The following NOVA2 variants were observed in gnomAD, a reference collection of about 807,000 sequenced individuals.
NOVA2 encodes the protein NOVA alternative splicing regulator 2.
NOVA2 carries 9 observed loss-of-function variants against 22.5 expected under a neutral mutation model. The ratio of observed to expected loss-of-function variants is 0.40; its 90% CI spans 0.24 to 0.70. The LOEUF is 0.70. Ranked by LOEUF, NOVA2 falls within the 30% of genes least tolerant of loss-of-function variation. The pLI is 0.38. For synonymous variants in NOVA2, 318 were observed against 335.2 expected (o/e 0.95, Z 0.56); for missense variants, 383 against 682.8 (o/e 0.56, Z 4.89).
In NOVA2 at chr19:45,934,251, C is replaced by A. The variant is rs1210288197; in HGVS notation, c.*5612G>T. 6.6e-6 allele frequency: 1 copy of A among 152,296 alleles called. No individual in the cohort carries two copies. The highest frequency in any genetic ancestry group is 1.5e-5 in the Non-Finnish European group (1 of 68,134). The allele number at this position is 152,296 out of a possible 1,614,324, so 9.4% of individuals were successfully genotyped here. Reference sequence around the variant, plus strand: ...CCTAAGAAGGATTTAGCAATCGGTTCTCCAAAGATGGCCCTGCAGCCTCCC... The same window carrying A: ...CCTAAGAAGGATTTAGCAATCGGTTATCCAAAGATGGCCCTGCAGCCTCCC... On this transcript the variant is annotated 3_prime_UTR_variant, in exon 4 of 4. Transcript: ENST00000263257.
intron 1 of NOVA2, among the ~76,000 whole-genome samples, chr19:45,962,091 G>A (rs1364661238): frequency 1.3e-5 from 2 of 152,178 alleles, no homozygotes; most frequent in Non-Finnish European, 2.9e-5. Context: ...TAGGTTTTAG[G>A]AGGATTCCTC....
In NOVA2 at chr19:45,937,228, C is replaced by T. The variant is rs751546174; in HGVS notation, c.*2635G>A. The T allele has an allele frequency of 4.6e-5, 7 of 152,132 alleles. No individual in the cohort carries two copies. Among genetic ancestry groups the T allele is most frequent in the South Asian group, 2.1e-4 (1 of 4,830 alleles). The allele number at this position is 152,132 out of a possible 1,614,324, so 9.4% of individuals were successfully genotyped here. On this transcript the variant is annotated 3_prime_UTR_variant, in exon 4 of 4. Coordinates refer to ENST00000263257, the MANE Select transcript of NOVA2 (RefSeq NM_002516.4). The stretch of plus-strand genomic sequence containing the variant: ...AACACTTTTCAGGAGGCCCAGCCTC[C>T]GGAGATGTGTCTGTGTGAGAGGAGT...
intron 3 of NOVA2, among the ~76,000 whole-genome samples, chr19:45,952,277 G>A (rs993310088): frequency 6.6e-6 from 1 of 152,146 alleles, no homozygotes; most frequent in Non-Finnish European, 1.5e-5. Context: ...CCCTTAAGGA[G>A]GCATCATAAT....
At chr19:45,953,592 G>A (rs1484794381) in intron 3 of NOVA2, among the ~76,000 whole-genome samples, 188 bp downstream of exon 3, 2 of 152,168 alleles carry the variant, frequency 1.3e-5, no homozygotes, top group Non-Finnish European at 2.9e-5. Context: ...TAAATGTTCT[G>A]GAGTCCTTTC....
chr19:45,960,887 G>A, intron 2 of NOVA2, 123 bp downstream of exon 2: 6 of 1,009,362 alleles, frequency 5.9e-6, no homozygotes, highest in Non-Finnish European at 8.5e-6. Context: ...GGAAGGGGAG[G>A]CCCCCTCCCC....
chr19:45,964,303 C>A (rs1317906266), intron 1 of NOVA2, among the ~76,000 whole-genome samples: 2 of 149,138 alleles, frequency 1.3e-5, no homozygotes, highest in Admixed American at 6.7e-5. Context: ...CCTCAGCCTG[C>A]GGAGTAGCTG....
intron 1 of NOVA2, chr19:45,967,566 G>C (rs1968182797): frequency 6.6e-6 from 1 of 152,126 alleles, no homozygotes; most frequent in Admixed American, 6.6e-5. Context: ...CTAATTTCCT[G>C]CTGCAATTTC....
In NOVA2 at chr19:45,939,791, T is replaced by C. The variant is rs1343798281; in HGVS notation, c.*72A>G. ...GACTACACCAAGCTGAGGTCAGGAG[T>C]TGGGGGGGAGGAGGAGAGGGAAGAG... On this transcript the variant is annotated 3_prime_UTR_variant, in exon 4 of 4. Coordinates refer to ENST00000263257, the MANE Select transcript of NOVA2 (RefSeq NM_002516.4). 2.9e-5 allele frequency: 44 copies of C among 1,541,666 alleles called. No individual in the cohort carries two copies. Among genetic ancestry groups the C allele is most frequent in the Non-Finnish European group, 1.1e-5 (12 of 1,129,032 alleles).
intron 1 of NOVA2, among the ~76,000 whole-genome samples, chr19:45,964,025 G>C (rs540880122): frequency 5.7e-4 from 87 of 152,132 alleles, no homozygotes; most frequent in Middle Eastern, 3.4e-3. Flanking sequence ...CCCAAAACTT[G>C]AACAGCACAT....
intron 3 of NOVA2, among the ~76,000 whole-genome samples, chr19:45,943,690 C>T (rs1478016990): frequency 6.6e-6 from 1 of 151,516 alleles, no homozygotes; most frequent in East Asian, 1.9e-4. Context: ...TGCACTTCAA[C>T]CTGGGCAACA....
intron 2 of NOVA2, among the ~76,000 whole-genome samples, chr19:45,955,598 G>A (rs1001159197): frequency 1.3e-5 from 2 of 152,056 alleles, no homozygotes; most frequent in African/African-American, 2.4e-5. Context: ...GGTGGCTCAC[G>A]CTTGAAACCC....
chr19:45,948,903 C>T (rs924469393), intron 3 of NOVA2, among the ~76,000 whole-genome samples: 9 of 152,104 alleles, frequency 5.9e-5, no homozygotes, highest in African/African-American at 2.2e-4. Context: ...AACTGATGAA[C>T]AGACAAGCAA....
intron 2 of NOVA2, among the ~76,000 whole-genome samples, chr19:45,956,603 G>A (rs1396429617): frequency 6.6e-6 from 1 of 152,146 alleles, no homozygotes; most frequent in Non-Finnish European, 1.5e-5. Flanking sequence ...CTGAGTAGCT[G>A]GGATTACAGG....
At chr19:45,956,534 G>T (rs1321666935) in intron 2 of NOVA2, among the ~76,000 whole-genome samples, 1 of 151,678 alleles carries the variant, frequency 6.6e-6, no homozygotes, top group African/African-American at 2.4e-5. Flanking sequence ...GCAGCGGTGC[G>T]ATCTCAGATC....
intron 2 of NOVA2, among the ~76,000 whole-genome samples, chr19:45,956,594 T>C (rs1360713498): frequency 6.6e-6 from 1 of 152,074 alleles, no homozygotes; most frequent in Admixed American, 6.5e-5. Flanking sequence ...CTAAGCCTCC[T>C]GAGTAGCTGG....
intron 1 of NOVA2, among the ~76,000 whole-genome samples, 175 bp downstream of exon 1, chr19:45,973,092 G>T (rs1968254787): frequency 7.4e-6 from 1 of 135,566 alleles, no homozygotes; most frequent in Non-Finnish European, 1.6e-5. Flanking sequence ...GGGCCTCAGC[G>T]AGAGGAGGAG....
At chr19:45,972,602 A>G (rs1349698625) in intron 1 of NOVA2, among the ~76,000 whole-genome samples, 2 of 151,854 alleles carry the variant, frequency 1.3e-5, no homozygotes, top group African/African-American at 4.8e-5. Context: ...TGTCTTTCTC[A>G]TACACCCCCC....
In NOVA2 at chr19:45,946,698, C is replaced by T. The variant is rs144030156; in HGVS notation, c.397-5753G>A. Reference sequence around the variant, plus strand: ...ACCATCCTGGCTAACATGGTGAAACCCCATTTCTATGAAAAATACAAAAAT... The same window carrying T: ...ACCATCCTGGCTAACATGGTGAAACTCCATTTCTATGAAAAATACAAAAAT... On this transcript the variant is annotated intron_variant, in intron 3 of 3. Transcript: ENST00000263257. Among the ~76,000 whole-genome samples, 303 of 151,970 alleles carry T rather than the reference C, an allele frequency of 2.0e-3. 2 individuals carry two copies. Among genetic ancestry groups the T allele is most frequent in the African/African-American group, 6.9e-3 (287 of 41,444 alleles).
rs958067883 is a variant in NOVA2 at position 45,933,765 on chromosome 19, G to T, written c.*6098C>A. The T allele has an allele frequency of 6.6e-5, 10 of 151,044 alleles. No homozygotes were observed. Among genetic ancestry groups the T allele is most frequent in the African/African-American group, 2.4e-4 (10 of 41,048 alleles). 9.4% of individuals were successfully genotyped at this position (151,044 alleles called of 1,614,324 possible). A position where few individuals can be genotyped will look rare whatever the true frequency, so the allele number is the denominator to read the frequency against. On this transcript the variant is annotated 3_prime_UTR_variant, in exon 4 of 4. Transcript: ENST00000263257. The stretch of plus-strand genomic sequence containing the variant: ...GATGGCGTTTATCGCGGCAAAAAAA[G>T]GTGAAGTCGCCGAGGGGAAAGGGGT...
Sources: gnomAD v4.1 joint callset for allele counts (sites outside exome capture counted in the v4.1 genomes callset) on GRCh38, gnomAD v4.1.1 for gene constraint, MANE v1.5 for transcripts, NCBI Gene and HGNC (gene_info 2026-07-23, HGNC 2026-07-21) for gene names.